The following MECOM variants were observed in gnomAD, a reference collection of about 807,000 sequenced individuals.
MECOM encodes histone-lysine N-methyltransferase MECOM.
MECOM carries 13 observed loss-of-function variants against 116.3 expected under a neutral mutation model. The ratio of observed to expected loss-of-function variants is 0.11; its 90% CI spans 0.07 to 0.18. The LOEUF (loss-of-function observed/expected upper bound fraction) is 0.18. Among genes scored for constraint, MECOM ranks in the 10% least tolerant of loss-of-function variants. The probability of loss-of-function intolerance (pLI) is 1.00; values close to 1 mark genes in which losing one functional copy is unlikely to be tolerated. For missense variants in MECOM, 1,299 were observed against 1,509.0 expected (o/e 0.86, Z 2.31); for synonymous variants, 528 against 535.2 (o/e 0.99, Z 0.19).
intron 1 of MECOM, among the ~76,000 whole-genome samples, chr3:169,543,625 C>T (rs749534157): frequency 1.6e-4 from 24 of 152,198 alleles, no homozygotes; most frequent in Middle Eastern, 3.4e-3. Context: ...TAATTCCAGA[C>T]AAATAATAAA....
chr3:169,178,422 G>T (rs1204923112), intron 2 of MECOM, among the ~76,000 whole-genome samples: 1 of 152,170 alleles, frequency 6.6e-6, no homozygotes, highest in Admixed American at 6.5e-5. Flanking sequence ...CAGAGTCGAG[G>T]AATCATCATC....
At chr3:169,308,520 A>G (rs892420152) in intron 2 of MECOM, among the ~76,000 whole-genome samples, 1 of 152,246 alleles carries the variant, frequency 6.6e-6, no homozygotes, top group Non-Finnish European at 1.5e-5. Context: ...TTCAAAAATA[A>G]AGGGCAAATA....
chr3:169,448,128 A>T (rs1744955790), intron 1 of MECOM, among the ~76,000 whole-genome samples: 1 of 152,184 alleles, frequency 6.6e-6, no homozygotes, highest in South Asian at 2.1e-4. Context: ...TCTTTAGGTC[A>T]TCACTGGAAC....
intron 1 of MECOM, among the ~76,000 whole-genome samples, chr3:169,610,060 C>T (rs1387162528): frequency 6.6e-6 from 1 of 152,174 alleles, no homozygotes; most frequent in Non-Finnish European, 1.5e-5. Context: ...CCTTGGAATA[C>T]TTTATTTGTA....
intron 2 of MECOM, chr3:169,145,001 T>TAC: frequency 6.4e-7 from 1 of 1,561,850 alleles, no homozygotes; most frequent in South Asian, 1.2e-5. Flanking sequence ...ACTCACCATA[T>TAC]ACTTCAAGAA....
intron 2 of MECOM, among the ~76,000 whole-genome samples, chr3:169,326,356 A>G (rs1459389852): frequency 6.6e-6 from 1 of 151,346 alleles, no homozygotes; most frequent in Admixed American, 6.6e-5. Context: ...TTTCACATGT[A>G]AAAACATTTT....
rs540100616 is a variant in MECOM, at chr3:169,521,786, A to G, written c.38-140262T>C. Among the ~76,000 whole-genome samples, 17 of 152,336 alleles carry G rather than the reference A, an allele frequency of 1.1e-4. 1 individual carries two copies. The South Asian group carries it at 3.5e-3, about 32-fold the overall frequency. On this transcript the variant is annotated intron_variant, in intron 1 of 16. Transcript: ENST00000651503. ...AGGTAGCACCTTAATGCAGTCGGCT[A>G]TTCATATCCGTGGGTTCCATATCTG...
chr3:169,273,519 C>T (rs965293574), intron 2 of MECOM, among the ~76,000 whole-genome samples: 1 of 152,134 alleles, frequency 6.6e-6, no homozygotes, highest in African/African-American at 2.4e-5. Flanking sequence ...CAATAATTAT[C>T]TAAGTGGTAT....
At chr3:169,281,709 G>A (rs918609658) in intron 2 of MECOM, among the ~76,000 whole-genome samples, 1 of 152,092 alleles carries the variant, frequency 6.6e-6, no homozygotes, top group Non-Finnish European at 1.5e-5. Flanking sequence ...CTACTTGGGA[G>A]GCTGAGATTA....
chr3:169,168,971 T>C (rs992585805), intron 2 of MECOM, among the ~76,000 whole-genome samples: 1 of 151,938 alleles, frequency 6.6e-6, no homozygotes, highest in Non-Finnish European at 1.5e-5. Context: ...TATCTTCATA[T>C]AATATAGATA....
intron 1 of MECOM, among the ~76,000 whole-genome samples, chr3:169,430,243 G>T (rs2108550259): frequency 6.6e-6 from 1 of 152,118 alleles, no homozygotes; most frequent in Non-Finnish European, 1.5e-5. Context: ...TAAGACTTTT[G>T]CCTGTCCTAG....
At position 169,116,109 on chromosome 3, in the gene MECOM, G is replaced by T. The variant is rs775918948; in HGVS notation, c.1763C>A (p.Pro588Gln). The T allele has an allele frequency of 6.2e-7, 1 of 1,614,080 alleles. No homozygotes were observed. The highest frequency in any genetic ancestry group is 8.5e-7 in the Non-Finnish European group (1 of 1,180,028). The change falls in exon 8 of 17, where the codon CCA becomes CAA. Residue 588 changes from proline (P) to glutamine (Q), a missense_variant. By Grantham distance (76) the Pro-to-Gln change is moderately conservative (BLOSUM62 -1). Around this residue, in one of 6 missense-constraint regions of MECOM, gnomAD observed 238 missense variants for 273.1 expected, o/e 0.87. Transcript: ENST00000651503. ...ESSDLDDVST[P>Q]SGSDLETTSG... Reference sequence around the variant, plus strand: ...GGTTGTTTCCAGGTCACTGCCACTTGGTGTACTGACATCATCAAGGTCACT... The same window carrying T: ...GGTTGTTTCCAGGTCACTGCCACTTTGTGTACTGACATCATCAAGGTCACT...
chr3:169,229,973 C>A (rs1355562858), intron 2 of MECOM, among the ~76,000 whole-genome samples: 5 of 152,084 alleles, frequency 3.3e-5, no homozygotes, highest in African/African-American at 1.2e-4. Flanking sequence ...TGCCAAACAG[C>A]AGACTTAATT....
At chr3:169,122,500 T>G in intron 6 of MECOM, 80 bp downstream of exon 6, 1 of 1,525,688 alleles carries the variant, frequency 6.6e-7, no homozygotes, top group Non-Finnish European at 9.0e-7. Context: ...AAGGCTTGTT[T>G]TTATATATCG....
chr3:169,526,732 T>C (rs1363145599), intron 1 of MECOM, among the ~76,000 whole-genome samples: 2 of 152,212 alleles, frequency 1.3e-5, no homozygotes, highest in Non-Finnish European at 2.9e-5. Context: ...TGTATGAATA[T>C]GTGAGTGCAG....
At chr3:169,186,370 AAGGAAGGAAGGGAGGGAGGGAGGG>A (rs1746742212) in intron 2 of MECOM, among the ~76,000 whole-genome samples, 1 of 64,432 alleles carries the variant, frequency 1.6e-5, no homozygotes. Context: ...GGAAGGAAGG[AAGGAAGGAAGGGAGGGAGGGAGGG>A]AGGGAGGGAG....
chr3:169,186,027 G>A (rs1369881493), intron 2 of MECOM, among the ~76,000 whole-genome samples: 1 of 152,036 alleles, frequency 6.6e-6, no homozygotes, highest in Admixed American at 6.6e-5. Context: ...ATTCCCTCAA[G>A]GAAACTATCT....
intron 2 of MECOM, among the ~76,000 whole-genome samples, chr3:169,184,044 T>G (rs1310498158): frequency 6.6e-6 from 1 of 151,798 alleles, no homozygotes; most frequent in Non-Finnish European, 1.5e-5. Context: ...TTTTGTATTT[T>G]TAGTAGAGAC....
At chr3:169,517,787 T>C (rs1022266587) in intron 1 of MECOM, among the ~76,000 whole-genome samples, 2 of 152,164 alleles carry the variant, frequency 1.3e-5, no homozygotes, top group Admixed American at 6.5e-5. Flanking sequence ...GGAACTGTGG[T>C]AGGTACTAGA....
Sources: allele counts gnomAD v4.1 joint callset (sites outside exome capture counted in the v4.1 genomes callset), GRCh38; gene constraint gnomAD v4.1.1; regional missense constraint gnomAD v4.1.1; transcripts MANE v1.5; gene names NCBI Gene and HGNC (gene_info 2026-07-23, HGNC 2026-07-21).